SPOCK3: variants seen among roughly 807,000 people sequenced by gnomAD.
The protein encoded by SPOCK3 is SPARC (osteonectin), cwcv and kazal like domains proteoglycan 3, also known as testican-3.
In SPOCK3, 30 loss-of-function variants were observed where a neutral mutation model predicts 56.6. The ratio of observed to expected loss-of-function variants is 0.53; its 90% confidence interval spans 0.40 to 0.72. The LOEUF (loss-of-function observed/expected upper bound fraction) is 0.72. Among genes scored for constraint, SPOCK3 ranks in the 30% least tolerant of loss-of-function variants. SPOCK3 has a pLI of 0.00. For missense variants in SPOCK3, 527 were observed against 530.0 expected (o/e 0.99, Z 0.06); for synonymous variants, 196 against 183.3 (o/e 1.07, Z -0.56).
chr4:166,850,685 G>T (rs146096716), intron 6 of SPOCK3, among the ~76,000 whole-genome samples: 9 of 152,188 alleles, frequency 5.9e-5, no homozygotes, highest in African/African-American at 1.4e-4. Flanking sequence ...GTTCCCTTTC[G>T]TAGTCAAAGA....
intron 4 of SPOCK3, among the ~76,000 whole-genome samples, chr4:166,924,213 C>T (rs563407555): frequency 9.5e-4 from 145 of 152,218 alleles, no homozygotes; most frequent in Middle Eastern, 3.4e-3. Flanking sequence ...AGGAACATCA[C>T]AAAATATTTA....
chr4:167,088,974 A>G (rs1379913395), intron 2 of SPOCK3, among the ~76,000 whole-genome samples: 1 of 152,180 alleles, frequency 6.6e-6, no homozygotes, highest in Non-Finnish European at 1.5e-5. Context: ...TGGTTATTGC[A>G]TATGTCAAAA....
chr4:167,202,858 C>CGGT (rs1252434858), intron 2 of SPOCK3, among the ~76,000 whole-genome samples: 1 of 151,708 alleles, frequency 6.6e-6, no homozygotes, highest in East Asian at 1.9e-4. Flanking sequence ...AAGGGGAATA[C>CGGT]TAAACCATTT....
chr4:166,779,075 A>G (rs111894193), intron 7 of SPOCK3, among the ~76,000 whole-genome samples: 1 of 152,180 alleles, frequency 6.6e-6, no homozygotes, highest in African/African-American at 2.4e-5. Context: ...TGCTAAGACT[A>G]GAACACTGAA....
At chr4:166,950,272 C>G (rs1370346472) in intron 4 of SPOCK3, among the ~76,000 whole-genome samples, 1 of 151,448 alleles carries the variant, frequency 6.6e-6, no homozygotes, top group African/African-American at 2.4e-5. Flanking sequence ...CAAAAAAAGG[C>G]AGGGGTTGCA....
chr4:167,081,835 A>G (rs1467908544), intron 2 of SPOCK3, among the ~76,000 whole-genome samples: 1 of 152,086 alleles, frequency 6.6e-6, no homozygotes, highest in Admixed American at 6.6e-5. Context: ...GAGTAGGGAA[A>G]GCAGAAGTGA....
At position 166,993,349 on chromosome 4, in the gene SPOCK3, C is replaced by T. The variant is rs952188523; in HGVS notation, c.350+7000G>A. Among the ~76,000 whole-genome samples the T allele has an allele frequency of 2.0e-5, 3 of 152,144 alleles. No homozygotes were observed. The East Asian group carries it at 5.8e-4, about 29-fold the overall frequency. On this transcript the variant is annotated intron_variant, in intron 4 of 10. Coordinates refer to ENST00000357545, the MANE Select transcript of SPOCK3 (RefSeq NM_001040159.2). The stretch of plus-strand genomic sequence containing the variant: ...TGAATCCTTCTCGTGTATTTTGGAA[C>T]TTCTGGTCTAAAGATCGTCTTCTCT...
intron 3 of SPOCK3, among the ~76,000 whole-genome samples, chr4:167,038,546 C>T (rs1203313973): frequency 6.6e-6 from 1 of 151,536 alleles, no homozygotes; most frequent in Admixed American, 6.6e-5. Flanking sequence ...AGAACAGGGG[C>T]AGGGAGGCTC....
intron 4 of SPOCK3, among the ~76,000 whole-genome samples, chr4:166,965,471 A>G (rs1744623306): frequency 6.9e-6 from 1 of 145,394 alleles, no homozygotes; most frequent in Admixed American, 6.9e-5. Flanking sequence ...CTGGTTTGGT[A>G]TTTTTTTTCT....
intron 6 of SPOCK3, among the ~76,000 whole-genome samples, chr4:166,873,896 G>T (rs954606837): frequency 6.6e-6 from 1 of 152,116 alleles, no homozygotes. Context: ...GATCTCAAAA[G>T]CATGTGGGTA....
intron 7 of SPOCK3, among the ~76,000 whole-genome samples, chr4:166,789,797 T>C (rs1196814146): frequency 6.6e-6 from 1 of 152,218 alleles, no homozygotes; most frequent in Non-Finnish European, 1.5e-5. Flanking sequence ...CTATTAGGGA[T>C]GCAGGGAAAA....
chr4:167,158,916 C>T (rs781759108), intron 2 of SPOCK3, among the ~76,000 whole-genome samples: 1 of 151,880 alleles, frequency 6.6e-6, no homozygotes, highest in Non-Finnish European at 1.5e-5. Flanking sequence ...AAAATACCTA[C>T]TCATGCAAAC....
chr4:166,769,906 C>G (rs1165260894), intron 7 of SPOCK3, among the ~76,000 whole-genome samples: 1 of 152,140 alleles, frequency 6.6e-6, no homozygotes, highest in Non-Finnish European at 1.5e-5. Context: ...CCTCCCCCAG[C>G]CTTGCTGCTG....
At chr4:167,212,515 A>G (rs1429741239) in intron 2 of SPOCK3, among the ~76,000 whole-genome samples, 3 of 152,156 alleles carry the variant, frequency 2.0e-5, no homozygotes, top group Non-Finnish European at 4.4e-5. Flanking sequence ...TGCTGGGATT[A>G]CAGGCGGGAG....
At position 166,955,579 on chromosome 4, in the gene SPOCK3, AAATT is replaced by A. The variant is rs1743335840; in HGVS notation, c.351-42840_351-42837del. ...TTATATTATTAAATTTAATATAATT[AAATT>A]ATATTAAATTTAATATAATCAAATT... On this transcript the variant is annotated intron_variant, in intron 4 of 10. Coordinates refer to ENST00000357545, the MANE Select transcript of SPOCK3 (RefSeq NM_001040159.2). Among the ~76,000 whole-genome samples the A allele has an allele frequency of 2.1e-5, 3 of 145,034 alleles. No individual in the cohort carries two copies. The South Asian group carries it at 6.3e-4, about 30-fold the overall frequency.
intron 6 of SPOCK3, among the ~76,000 whole-genome samples, chr4:166,873,731 A>C (rs1202522706): frequency 6.6e-6 from 1 of 152,178 alleles, no homozygotes; most frequent in Non-Finnish European, 1.5e-5. Context: ...ATAAATTCAT[A>C]AACTCAACTC....
chr4:166,753,074 A>C (rs1736631902), intron 8 of SPOCK3, among the ~76,000 whole-genome samples: 1 of 151,990 alleles, frequency 6.6e-6, no homozygotes, highest in South Asian at 2.1e-4. Context: ...TTGCTACAAA[A>C]CCTAAGAATA....
At chr4:167,226,305 T>A (rs1471277590) in intron 2 of SPOCK3, among the ~76,000 whole-genome samples, 1 of 152,066 alleles carries the variant, frequency 6.6e-6, no homozygotes, top group Non-Finnish European at 1.5e-5. Context: ...AACTCCTACA[T>A]CTAGAACAGT....
At chr4:167,050,885 T>G (rs1472282579) in intron 3 of SPOCK3, among the ~76,000 whole-genome samples, 1 of 152,004 alleles carries the variant, frequency 6.6e-6, no homozygotes, top group Non-Finnish European at 1.5e-5. Flanking sequence ...GGTTGCCAAG[T>G]GCTGAGGGGA....
Sources: allele counts gnomAD v4.1 joint callset (sites outside exome capture counted in the v4.1 genomes callset), GRCh38; gene constraint gnomAD v4.1.1; transcripts MANE v1.5; gene names NCBI Gene and HGNC (gene_info 2026-07-23, HGNC 2026-07-21).